Variants in TGFBR3 observed in about 807,000 individuals in gnomAD.
The protein encoded by TGFBR3 is transforming growth factor beta receptor type 3.
TGFBR3 carries 46 observed loss-of-function variants against 87.9 expected under a neutral mutation model. The ratio of observed to expected loss-of-function variants is 0.52; its 90% CI spans 0.41 to 0.67. The LOEUF (loss-of-function observed/expected upper bound fraction) is 0.67. Ranked by LOEUF, TGFBR3 falls within the 30% of genes least tolerant of loss-of-function variation. The probability of loss-of-function intolerance (pLI) is 0.00; values close to 1 mark genes in which losing one functional copy is unlikely to be tolerated. For synonymous variants in TGFBR3, 381 were observed against 391.6 expected (o/e 0.97, Z 0.32); for missense variants, 866 against 1,041.9 (o/e 0.83, Z 2.32).
chr1:91,894,248 C>G (rs1679507904), intron 2 of TGFBR3, among the ~76,000 whole-genome samples: 1 of 152,198 alleles, frequency 6.6e-6, no homozygotes, highest in Non-Finnish European at 1.5e-5. Flanking sequence ...TGGAGTCATT[C>G]CTTCAATGAC....
At position 91,716,220 on chromosome 1, in the gene TGFBR3, A is replaced by G. The variant is rs1347039511; in HGVS notation, c.1866+16T>C. 2 of 1,614,016 alleles carry G rather than the reference A, an allele frequency of 1.2e-6. No homozygotes were observed. Among genetic ancestry groups the G allele is most frequent in the African/African-American group, 1.3e-5 (1 of 75,050 alleles). Reference sequence around the variant, plus strand: ...AGCACTAACCTAAAAGGTCAAGGCTAACTTTCAGGTCTCACCTCAACATAA... The same window carrying G: ...AGCACTAACCTAAAAGGTCAAGGCTGACTTTCAGGTCTCACCTCAACATAA... On this transcript the variant is annotated intron_variant, in intron 12 of 16. Coordinates refer to ENST00000212355, the MANE Select transcript of TGFBR3 (RefSeq NM_003243.5).
intron 2 of TGFBR3, among the ~76,000 whole-genome samples, chr1:91,810,284 C>T (rs1345462102): frequency 1.3e-5 from 2 of 152,110 alleles, no homozygotes; most frequent in African/African-American, 2.4e-5. Flanking sequence ...GTCTCAAACT[C>T]ATGAGCTCAA....
Position 91,719,410 on chromosome 1 carries a change from T to G in TGFBR3, c.1468A>C (p.Lys490Gln), listed in dbSNP as rs772088791. Residue 490 changes from lysine to glutamine, a missense_variant, in exon 10 of 17, where the codon AAG becomes CAG. Coordinates refer to ENST00000212355, the MANE Select transcript of TGFBR3 (RefSeq NM_003243.5). ...AAAACAAAGTGTGTGCCATTCATCT[T>G]GGCCTTGCAGGTAGGATCCAACAGG... is the stretch of plus-strand genomic sequence containing the variant. ...VTLLDPTCKA[K>Q]MNGTHFVLES... 1 of 1,614,154 alleles carries G rather than the reference T, an allele frequency of 6.2e-7. No individual in the cohort carries two copies. The highest frequency in any genetic ancestry group is 8.5e-7 in the Non-Finnish European group (1 of 1,180,016).
chr1:91,898,807 T>C (rs563003463), intron 2 of TGFBR3, among the ~76,000 whole-genome samples: 9 of 152,338 alleles, frequency 5.9e-5, no homozygotes, highest in Non-Finnish European at 1.2e-4. Flanking sequence ...CCGGGCATCG[T>C]GGCTCATGCC....
chr1:91,882,277 C>T (rs1485575137), intron 1 of TGFBR3, among the ~76,000 whole-genome samples: 3 of 150,816 alleles, frequency 2.0e-5, no homozygotes, highest in Admixed American at 6.6e-5. Context: ...GCTGTGATTA[C>T]AGGTGTGCAC....
chr1:91,720,294 C>T, intron 8 of TGFBR3, 64 bp from the exon 9 acceptor site: 6 of 1,432,386 alleles, frequency 4.2e-6, no homozygotes, highest in Non-Finnish European at 4.8e-6. Context: ...AACATCATTA[C>T]AGGCAGAACA....
chr1:91,881,932 G>A (rs1427603559), intron 1 of TGFBR3, among the ~76,000 whole-genome samples: 5 of 151,772 alleles, frequency 3.3e-5, no homozygotes, highest in African/African-American at 7.3e-5. Flanking sequence ...CCCGCTACTC[G>A]GGAGGCTGAG....
intron 2 of TGFBR3, among the ~76,000 whole-genome samples, chr1:91,821,711 G>A (rs1676458246): frequency 1.3e-5 from 2 of 152,242 alleles, no homozygotes; most frequent in East Asian, 1.9e-4. Flanking sequence ...TGCCTGGGTA[G>A]GATGCTGTAG....
At chr1:91,860,934 C>CAAAAAAAAA (rs3039477) in intron 2 of TGFBR3, among the ~76,000 whole-genome samples, 2 of 35,636 alleles carry the variant, frequency 5.6e-5, no homozygotes, top group African/African-American at 1.9e-4. Context: ...TCTGTCTCCA[C>CAAAAAAAAA]AAAAAAAAAA....
intron 3 of TGFBR3, among the ~76,000 whole-genome samples, chr1:91,773,434 A>G (rs1487604204): frequency 6.6e-6 from 1 of 151,110 alleles, no homozygotes; most frequent in African/African-American, 2.4e-5. Flanking sequence ...TATCCCAGCA[A>G]TTTGGGAGGC....
chr1:91,700,575 G>A (rs540791462), intron 14 of TGFBR3, among the ~76,000 whole-genome samples: 1 of 152,176 alleles, frequency 6.6e-6, no homozygotes, highest in Admixed American at 6.5e-5. Flanking sequence ...TAGTGGCCCT[G>A]GAATGAGGAT....
chr1:91,843,085 T>C (rs866105048), intron 2 of TGFBR3, among the ~76,000 whole-genome samples: 2 of 152,362 alleles, frequency 1.3e-5, no homozygotes, highest in Middle Eastern at 3.4e-3. Flanking sequence ...ATCTAATTTT[T>C]GTACCAAAAA....
upstream of TGFBR3, among the ~76,000 whole-genome samples, chr1:91,888,911 TC>T (rs1373149448): frequency 5.5e-4 from 83 of 152,010 alleles, no homozygotes; most frequent in African/African-American, 1.9e-3. Context: ...AGACAGAGTC[TC>T]GCTCTGCTGC....
At chr1:91,766,017 C>T (rs569959780) in intron 3 of TGFBR3, among the ~76,000 whole-genome samples, 28 of 151,868 alleles carry the variant, frequency 1.8e-4, no homozygotes, top group South Asian at 6.3e-4. Context: ...GCTATACAAA[C>T]GTATTTCCTC....
intron 4 of TGFBR3, among the ~76,000 whole-genome samples, chr1:91,745,665 T>TA (rs532558914): frequency 3.9e-4 from 59 of 152,366 alleles, no homozygotes; most frequent in South Asian, 3.3e-3. Flanking sequence ...ACGTTCTCCC[T>TA]ACCCAATTCC....
rs144351734 is a variant in TGFBR3, at chr1:91,814,310, T to C, written c.62-16839A>G. 1.5e-3 allele frequency among the ~76,000 whole-genome samples: 222 copies of C among 152,340 alleles called. 2 individuals are homozygous for C. The highest frequency in any genetic ancestry group is 5.0e-3 in the African/African-American group (207 of 41,574). On this transcript the variant is annotated intron_variant, in intron 2 of 16. Coordinates refer to ENST00000212355, the MANE Select transcript of TGFBR3 (RefSeq NM_003243.5). ...CAAGAAGGTTCGCTTCCTAAGCTCC[T>C]TCCTGAAATGAAATCGTTTCTTTGC...
At chr1:91,752,228 A>G (rs1320079466) in intron 4 of TGFBR3, among the ~76,000 whole-genome samples, 1 of 152,186 alleles carries the variant, frequency 6.6e-6, no homozygotes, top group Non-Finnish European at 1.5e-5. Flanking sequence ...TTTTCAGTAT[A>G]TGTTATGTCC....
At chr1:91,696,476 G>A (rs1671437979) in intron 15 of TGFBR3, among the ~76,000 whole-genome samples, 1 of 152,200 alleles carries the variant, frequency 6.6e-6, no homozygotes, top group East Asian at 1.9e-4. Flanking sequence ...CCAGTGGGGA[G>A]TGATGTCAGT....
rs71586714 is a variant in TGFBR3, at chr1:91,815,301, A to AAAAATAAAATAAAATAAAAT, written c.62-17850_62-17831dup. Among the ~76,000 whole-genome samples, 483 of 141,166 alleles carry AAAAATAAAATAAAATAAAAT rather than the reference A, an allele frequency of 3.4e-3. 3 individuals are homozygous for AAAAATAAAATAAAATAAAAT. Among genetic ancestry groups the AAAAATAAAATAAAATAAAAT allele is most frequent in the African/African-American group, 0.012 (461 of 38,170 alleles). 92.6% of individuals were successfully genotyped at this position (141,166 alleles called of 152,430 possible). ...TGGGTGACAGAGCAAGACTCCATCT[A>AAAAATAAAATAAAATAAAAT]AAAATAAAATAAAATAAAATAAAAT... On this transcript the variant is annotated intron_variant, in intron 2 of 16. Transcript: ENST00000212355.
Sources: allele counts gnomAD v4.1 joint callset (sites outside exome capture counted in the v4.1 genomes callset), GRCh38; gene constraint gnomAD v4.1.1; transcripts MANE v1.5; gene names NCBI Gene and HGNC (gene_info 2026-07-23, HGNC 2026-07-21).